CRMP1: variants seen among roughly 807,000 people sequenced by gnomAD.
CRMP1 encodes collapsin response mediator protein 1, also known as dihydropyrimidinase-related protein 1.
A neutral mutation model predicts 68.3 loss-of-function variants in CRMP1; 19 were observed. The observed-to-expected ratio is 0.28, with a 90% confidence interval of 0.19 to 0.41. The LOEUF is 0.41. CRMP1 is among the 10% of genes least tolerant of loss of function. The pLI is 1.00. For synonymous variants in CRMP1, 439 were observed against 399.6 expected (o/e 1.10, Z -1.18); for missense variants, 791 against 967.4 (o/e 0.82, Z 2.42).
At chr4:5,875,764 G>A (rs576835482) in intron 1 of CRMP1, among the ~76,000 whole-genome samples, 75 of 152,094 alleles carry the variant, frequency 4.9e-4, no homozygotes, top group Non-Finnish European at 7.9e-4. Flanking sequence ...GAGACCGTGA[G>A]TTTTCTCCAA....
At chr4:5,823,486 C>A (rs1249742562) in intron 13 of CRMP1, among the ~76,000 whole-genome samples, 1 of 152,210 alleles carries the variant, frequency 6.6e-6, no homozygotes, top group Non-Finnish European at 1.5e-5. Context: ...TCCCCCAAAA[C>A]TTCGTGTTGA....
intron 9 of CRMP1, among the ~76,000 whole-genome samples, chr4:5,837,612 GAGC>G (rs1199128442): frequency 9.5e-6 from 1 of 105,348 alleles, no homozygotes; most frequent in Non-Finnish European, 2.0e-5. Flanking sequence ...TGGGCGACAA[GAGC>G]AAAACGCAGT....
Position 5,824,278 on chromosome 4 carries a change from CA to C in CRMP1, c.1969+1215del, listed in dbSNP as rs374346517. 175 of 985,094 alleles carry C rather than the reference CA, an allele frequency of 1.8e-4. 1 individual carries two copies. In the African/African-American group the frequency reaches 2.9e-3, roughly 16 times the overall value. The allele number at this position is 985,094 out of a possible 1,614,324, so 61.0% of individuals were successfully genotyped here. On this transcript the variant is annotated intron_variant, in intron 13 of 13. Transcript: ENST00000324989. ...GCCAATCCCTGGTTTGCTGATTGAGCATCACATGACTTTTAGCATTCTATTT... is the reference window on the plus strand; with the variant it reads ...GCCAATCCCTGGTTTGCTGATTGAGCTCACATGACTTTTAGCATTCTATTT...
Position 5,838,017 on chromosome 4 carries a change from A to G in CRMP1, c.1311-1111T>C, listed in dbSNP as rs1720844913. On this transcript the variant is annotated intron_variant, in intron 9 of 13. Transcript: ENST00000324989. This position sits in a 1 kb window ranked among gnomAD's most constrained non-coding sequence, Gnocchi z 4.9. ...GGCGCTGTTAGAGTGAGTGTCAGGGATTCAACCAAAGCAGGTGGGGATGAG... is the reference window on the plus strand; with the variant it reads ...GGCGCTGTTAGAGTGAGTGTCAGGGGTTCAACCAAAGCAGGTGGGGATGAG... 2.6e-5 allele frequency among the ~76,000 whole-genome samples: 4 copies of G among 152,150 alleles called. No homozygotes were observed. In the South Asian group the frequency reaches 8.3e-4, roughly 32 times the overall value.
chr4:5,888,167 C>T lies in CRMP1; in HGVS notation c.381+4422G>A, dbSNP rs1270377834. On this transcript the variant is annotated intron_variant, in intron 1 of 13. Transcript: ENST00000324989. The surrounding 1 kb of genome is among the most constrained non-coding windows in gnomAD (Gnocchi z 6.4). ...GGCGCCCCGTGGATCTGGACCCTGCCGGGCGCCCACTCCCAGCCCACAAAG... is the reference window on the plus strand; with the variant it reads ...GGCGCCCCGTGGATCTGGACCCTGCTGGGCGCCCACTCCCAGCCCACAAAG... The T allele has an allele frequency of 1.6e-6, 2 of 1,235,068 alleles. No individual in the cohort carries two copies. Among genetic ancestry groups the T allele is most frequent in the Non-Finnish European group, 2.0e-6 (2 of 987,032 alleles). 76.5% of individuals were successfully genotyped at this position (1,235,068 alleles called of 1,614,324 possible). A position where few individuals can be genotyped will look rare whatever the true frequency, so the allele number is the denominator to read the frequency against.
chr4:5,858,411 C>CCCGA lies in CRMP1; in HGVS notation c.656-2108_656-2105dup, dbSNP rs528784970. Among the ~76,000 whole-genome samples the CCCGA allele has an allele frequency of 8.5e-4, 130 of 152,168 alleles. No individual in the cohort carries two copies. The highest frequency in any genetic ancestry group is 3.0e-3 in the African/African-American group (126 of 41,490). On this transcript the variant is annotated intron_variant, in intron 3 of 13. Transcript: ENST00000324989. This position sits in a 1 kb window ranked among gnomAD's most constrained non-coding sequence, Gnocchi z 5.5. Reference sequence around the variant, plus strand: ...AAACCTCATGCAATACTCTCCCCACCCCGACCCCAGCTGTGGTGGACATCA... The same window carrying CCCGA: ...AAACCTCATGCAATACTCTCCCCACCCCGACCGACCCCAGCTGTGGTGGACATCA...
intron 11 of CRMP1, among the ~76,000 whole-genome samples, chr4:5,833,223 G>C (rs188135045): frequency 1.2e-5 from 1 of 82,760 alleles, no homozygotes; most frequent in Non-Finnish European, 2.5e-5. Context: ...CTGGAGTGCA[G>C]TGGTGGGATC....
intron 4 of CRMP1, among the ~76,000 whole-genome samples, chr4:5,852,920 A>G (rs10937685): frequency 0.9 from 137,548 of 152,162 alleles, 62,223 homozygotes; most frequent in African/African-American, 0.92. Flanking sequence ...AGGGGCCAGT[A>G]CTCACTCACA....
chr4:5,825,665 C>G lies in CRMP1; in HGVS notation c.1804-6G>C, dbSNP rs1560477824. ...ACCCCTTGCAATCCAAAAACCTAAA[C>G]AGAGGAAGGGAGAGTGTGATTGATC... is the stretch of plus-strand genomic sequence containing the variant. On this transcript the variant is annotated splice_polypyrimidine_tract_variant and splice_region_variant and intron_variant, in intron 12 of 13. Coordinates refer to ENST00000324989, the MANE Select transcript of CRMP1 (RefSeq NM_001014809.3). The surrounding 1 kb of genome is among the most constrained non-coding windows in gnomAD (Gnocchi z 4.4). The G allele has an allele frequency of 3.1e-6, 5 of 1,612,502 alleles. No individual in the cohort carries two copies. The highest frequency in any genetic ancestry group is 1.3e-5 in the African/African-American group (1 of 74,952).
At position 5,843,159 on chromosome 4, in the gene CRMP1, T is replaced by C. The variant is rs781432426; in HGVS notation, c.966A>G (p.Glu322=). ...TGCCCATCTCCAGGATCCGCTTTTG[T>C]TCCTACAAGACAAGAACAAGTGAGT... ...HAENGDLIAQ[E]QKRILEMGIT... is the part of the protein sequence containing the mutation. Residue 322 remains glutamate, a splice_region_variant and synonymous_variant, in exon 7 of 14, where the codon GAA becomes GAG. Coordinates refer to ENST00000324989, the MANE Select transcript of CRMP1 (RefSeq NM_001014809.3). The surrounding 1 kb of genome is among the most constrained non-coding windows in gnomAD (Gnocchi z 4.1). The C allele has an allele frequency of 6.2e-7, 1 of 1,614,002 alleles. No homozygotes were observed. The highest frequency in any genetic ancestry group is 1.3e-5 in the African/African-American group (1 of 74,910).
chr4:5,887,650 C>A, intron 1 of CRMP1: 2 of 985,622 alleles, frequency 2.0e-6, no homozygotes, highest in Non-Finnish European at 2.4e-6. Context: ...CCAGCGTCGC[C>A]CCATTAGGTT....
At position 5,842,598 on chromosome 4, in the gene CRMP1, TCACACA is replaced by T. The variant is rs34426438; in HGVS notation, c.1032+489_1032+494del. ...CATGCACCCACACTCACACACTCTCTCACACACACACACACACACTCACTCACACAC... is the reference window on the plus strand; with the variant it reads ...CATGCACCCACACTCACACACTCTCTCACACACACACACTCACTCACACAC... On this transcript the variant is annotated intron_variant, in intron 7 of 13. Coordinates refer to ENST00000324989, the MANE Select transcript of CRMP1 (RefSeq NM_001014809.3). The surrounding 1 kb of genome is among the most constrained non-coding windows in gnomAD (Gnocchi z 4.5). Among the ~76,000 whole-genome samples the T allele has an allele frequency of 7.8e-3, 1,067 of 136,470 alleles. 16 individuals carry two copies. Among genetic ancestry groups the T allele is most frequent in the African/African-American group, 0.025 (978 of 39,862 alleles). The allele number at this position is 136,470 out of a possible 152,430, so 89.5% of individuals were successfully genotyped here.
Position 5,890,672 on chromosome 4 carries a change from A to T in CRMP1, c.381+1917T>A, listed in dbSNP as rs953268042. 2.0e-5 allele frequency among the ~76,000 whole-genome samples: 3 copies of T among 152,150 alleles called. No homozygotes were observed. Among genetic ancestry groups the T allele is most frequent in the African/African-American group, 7.2e-5 (3 of 41,458 alleles). ...GAAGCCATGGAGAAAGGCAGAGGGG[A>T]CCACAGGGAGAAGAGGAAGGAGTAG... is the stretch of plus-strand genomic sequence containing the variant. On this transcript the variant is annotated intron_variant, in intron 1 of 13. Transcript: ENST00000324989. This position sits in a 1 kb window ranked among gnomAD's most constrained non-coding sequence, Gnocchi z 5.5.
Position 5,825,055 on chromosome 4 carries a change from A to G in CRMP1, c.1969+439T>C, listed in dbSNP as rs75180333. On this transcript the variant is annotated intron_variant, in intron 13 of 13. Coordinates refer to ENST00000324989, the MANE Select transcript of CRMP1 (RefSeq NM_001014809.3). This position sits in a 1 kb window ranked among gnomAD's most constrained non-coding sequence, Gnocchi z 4.4. ...TATGGAGTAGTGAGGATAAAATAAAATCATGGGTTATGAAAGTGCTTAGTA... is the reference window on the plus strand; with the variant it reads ...TATGGAGTAGTGAGGATAAAATAAAGTCATGGGTTATGAAAGTGCTTAGTA... The G allele has an allele frequency of 8.1e-6, 8 of 985,410 alleles. 1 individual carries two copies. In the East Asian group the frequency reaches 9.1e-4, roughly 112 times the overall value. The allele number at this position is 985,410 out of a possible 1,614,324, so 61.0% of individuals were successfully genotyped here.
chr4:5,846,164 C>T (rs1393619149), intron 6 of CRMP1, among the ~76,000 whole-genome samples: 2 of 152,064 alleles, frequency 1.3e-5, no homozygotes, highest in Non-Finnish European at 2.9e-5. Flanking sequence ...GGCGTGGTGG[C>T]GCATGCCTAT....
chr4:5,885,800 C>A (rs1439108438), intron 1 of CRMP1, among the ~76,000 whole-genome samples: 1 of 152,224 alleles, frequency 6.6e-6, no homozygotes, highest in African/African-American at 2.4e-5. Context: ...CCTTCCCACT[C>A]TTCCTGGCAC....
intron 11 of CRMP1, among the ~76,000 whole-genome samples, chr4:5,828,885 C>T (rs2152454743): frequency 6.6e-6 from 1 of 152,144 alleles, no homozygotes; most frequent in South Asian, 2.1e-4. Context: ...CGGTGGCTTT[C>T]TATAATCAAA....
Position 5,858,394 on chromosome 4 carries a change from T to C in CRMP1, c.656-2087A>G, listed in dbSNP as rs1462762752. Among the ~76,000 whole-genome samples, 1 of 150,320 alleles carries C rather than the reference T, an allele frequency of 6.7e-6. No homozygotes were observed. The highest frequency in any genetic ancestry group is 2.5e-5 in the African/African-American group (1 of 40,746). ...CCAAATGAGAATGTCCAAAACCTCATGCAATACTCTCCCCACCCCGACCCC... is the reference window on the plus strand; with the variant it reads ...CCAAATGAGAATGTCCAAAACCTCACGCAATACTCTCCCCACCCCGACCCC... On this transcript the variant is annotated intron_variant, in intron 3 of 13. Transcript: ENST00000324989. This position sits in a 1 kb window ranked among gnomAD's most constrained non-coding sequence, Gnocchi z 5.5.
At position 5,824,917 on chromosome 4, in the gene CRMP1, C is replaced by A. The variant is rs954203186; in HGVS notation, c.1969+577G>T. The A allele has an allele frequency of 1.1e-5, 11 of 985,278 alleles. No homozygotes were observed. In the Admixed American group the frequency reaches 6.8e-4, roughly 61 times the overall value. The allele number at this position is 985,278 out of a possible 1,614,324, so 61.0% of individuals were successfully genotyped here. A position where few individuals can be genotyped will look rare whatever the true frequency, so the allele number is the denominator to read the frequency against. On this transcript the variant is annotated intron_variant, in intron 13 of 13. Coordinates refer to ENST00000324989, the MANE Select transcript of CRMP1 (RefSeq NM_001014809.3). ...TTAAGAAAGTCAGGAGGGATCAGGT[C>A]AACATCTAATTTTGTTCCCACACAT...
Sources: gnomAD v4.1 joint callset for allele counts (sites outside exome capture counted in the v4.1 genomes callset) on GRCh38, gnomAD v4.1.1 for gene constraint, Gnocchi (gnomAD v3.1) non-coding constraint, MANE v1.5 for transcripts, NCBI Gene and HGNC (gene_info 2026-07-23, HGNC 2026-07-21) for gene names.